DNAH14: variants seen among roughly 807,000 people sequenced by gnomAD.
DNAH14 encodes axonemal beta dynein heavy chain 14.
Under a neutral mutation model 520.9 loss-of-function variants are expected in DNAH14, and 478 were observed. That is an observed-to-expected ratio of 0.92 (90% CI 0.85 to 0.99). DNAH14 has a LOEUF of 0.99. DNAH14 is among the 50% of genes least tolerant of loss of function. The pLI is 0.00. For synonymous variants in DNAH14, 1,581 were observed against 1,757.2 expected, an observed-to-expected ratio of 0.90 and a Z score of 2.51; for missense variants, 4,831 against 5,234.5, an observed-to-expected ratio of 0.92 and a Z score of 2.38.
At chr1:225,312,269 A>G (rs1558346810) in intron 60 of DNAH14, among the ~76,000 whole-genome samples, 1 of 152,090 alleles carries the variant, frequency 6.6e-6, no homozygotes, top group Non-Finnish European at 1.5e-5. Flanking sequence ...GTATATATGA[A>G]TGCTTGTGAT....
intron 8 of DNAH14, among the ~76,000 whole-genome samples, chr1:225,000,566 CT>C (rs199640733): frequency 0.076 from 10,080 of 133,214 alleles, 440 homozygotes; most frequent in East Asian, 0.28. Context: ...AAGGTTTGTT[CT>C]TTTTTTTTTT....
intron 41 of DNAH14, among the ~76,000 whole-genome samples, chr1:225,221,610 A>G (rs991887029): frequency 3.3e-5 from 5 of 152,240 alleles, no homozygotes; most frequent in African/African-American, 9.6e-5. Flanking sequence ...ATACCATCTC[A>G]TGCCAGTTAG....
rs2067611184 is a variant in DNAH14, at chr1:225,042,974, G to A, written c.1628G>A (p.Cys543Tyr). 6.4e-7 allele frequency: 1 copy of A among 1,551,966 alleles called. No homozygotes were observed. The highest frequency in any genetic ancestry group is 1.4e-5 in the African/African-American group (1 of 73,158). Residue 543 changes from cysteine to tyrosine, a missense_variant, in exon 13 of 86, where the codon TGC (cysteine) becomes TAC (tyrosine). Coordinates refer to ENST00000682510, the MANE Select transcript of DNAH14 (RefSeq NM_001367479.1). ...GAGAACTTTCATGAGTCTGACCAGT[G>A]CCCTGAAGAGTGTGTGATGTTTGAA... ...SKENFHESDQ[C>Y]PEECVMFEDE...
At chr1:225,105,901 C>T (rs1462856680) in intron 23 of DNAH14, among the ~76,000 whole-genome samples, 3 of 150,920 alleles carry the variant, frequency 2.0e-5, no homozygotes, top group Non-Finnish European at 2.9e-5. Context: ...AGGTTAATAT[C>T]GTTATGTGTG....
chr1:225,332,173 G>C (rs2094812102), intron 65 of DNAH14, among the ~76,000 whole-genome samples: 1 of 152,048 alleles, frequency 6.6e-6, no homozygotes, highest in Non-Finnish European at 1.5e-5. Context: ...TCTCAGTTTA[G>C]TTACACCTCA....
intron 48 of DNAH14, 106 bp from the exon 49 acceptor site, chr1:225,266,535 G>C: frequency 1.2e-6 from 1 of 804,474 alleles, no homozygotes. Flanking sequence ...TTACTCCATA[G>C]CATAATATTC....
At chr1:225,066,869 A>T (rs2070952357) in intron 17 of DNAH14, among the ~76,000 whole-genome samples, 1 of 152,102 alleles carries the variant, frequency 6.6e-6, no homozygotes, top group South Asian at 2.1e-4. Flanking sequence ...TGGTGTGTGT[A>T]TACCACATTT....
intron 19 of DNAH14, 72 bp from the exon 20 acceptor site, chr1:225,082,477 A>G (rs2073252284): frequency 8.4e-7 from 1 of 1,195,786 alleles, no homozygotes. Flanking sequence ...AAAAAATCTT[A>G]TTTTCTCAAT....
At chr1:225,073,883 AT>A (rs2071872042) in intron 17 of DNAH14, among the ~76,000 whole-genome samples, 1 of 148,842 alleles carries the variant, frequency 6.7e-6, no homozygotes. Context: ...GGCTTTCACC[AT>A]GTTGGCCAAA....
intron 11 of DNAH14, among the ~76,000 whole-genome samples, chr1:225,032,943 ATTTG>A (rs1476245519): frequency 4.2e-5 from 2 of 47,968 alleles, no homozygotes. Flanking sequence ...TTTCTTGTAA[ATTTG>A]TTTAAGTTCC....
intron 21 of DNAH14, among the ~76,000 whole-genome samples, chr1:225,093,191 T>C (rs2074561895): frequency 6.6e-6 from 1 of 151,952 alleles, no homozygotes; most frequent in African/African-American, 2.4e-5. Context: ...CAGAACACAA[T>C]GAAGAAAAAC....
chr1:225,345,598 A>T (rs540529449), intron 69 of DNAH14, among the ~76,000 whole-genome samples: 2 of 152,328 alleles, frequency 1.3e-5, no homozygotes, highest in African/African-American at 4.8e-5. Flanking sequence ...ATAATGGCAC[A>T]CTTGTTATTT....
intron 58 of DNAH14, among the ~76,000 whole-genome samples, chr1:225,306,706 AC>A (rs2094250407): frequency 6.6e-6 from 1 of 151,978 alleles, no homozygotes; most frequent in Non-Finnish European, 1.5e-5. Flanking sequence ...TTCCTTACAT[AC>A]CTTGTACTAT....
In DNAH14 at chr1:225,299,853, G is replaced by T. The variant is rs150250730; in HGVS notation, c.8470-1016G>T. Among the ~76,000 whole-genome samples, 677 of 152,250 alleles carry T rather than the reference G, an allele frequency of 4.4e-3. 2 individuals are homozygous for T. Among genetic ancestry groups the T allele is most frequent in the Non-Finnish European group, 6.8e-3 (463 of 68,010 alleles). On this transcript the variant is annotated intron_variant, in intron 55 of 85. Transcript: ENST00000682510. The stretch of plus-strand genomic sequence containing the variant: ...ATGAGGTGAGACAGGAAATACGTTA[G>T]CCCTGTGTCACCTCTGTTGGCCTCT...
At chr1:225,102,955 G>T (rs1170714611) in intron 23 of DNAH14, among the ~76,000 whole-genome samples, 2 of 152,166 alleles carry the variant, frequency 1.3e-5, no homozygotes, top group East Asian at 3.8e-4. Flanking sequence ...TAGACATGAA[G>T]TCCTTGGCCA....
chr1:224,950,757 C>G (rs560349162), intron 1 of DNAH14, among the ~76,000 whole-genome samples: 1 of 152,300 alleles, frequency 6.6e-6, no homozygotes, highest in South Asian at 2.1e-4. Flanking sequence ...ATGGTTTTTA[C>G]ACATGAAAAT....
rs2084554870 is a variant in DNAH14, at chr1:225,185,288, T to G, written c.5536-3T>G. 2.6e-6 allele frequency: 4 copies of G among 1,537,032 alleles called. No individual in the cohort carries two copies. The highest frequency in any genetic ancestry group is 3.5e-6 in the Non-Finnish European group (4 of 1,142,792). On this transcript the variant is annotated splice_region_variant and splice_polypyrimidine_tract_variant and intron_variant, in intron 36 of 85. Transcript: ENST00000682510. Reference sequence around the variant, plus strand: ...ATGAATAAATCTGTAAATTTTGTTTTAGGTTTGTGTTGGTGTGATGTTAGT... The same window carrying G: ...ATGAATAAATCTGTAAATTTTGTTTGAGGTTTGTGTTGGTGTGATGTTAGT...
intron 21 of DNAH14, among the ~76,000 whole-genome samples, chr1:225,087,792 A>G (rs921126066): frequency 6.6e-6 from 1 of 152,234 alleles, no homozygotes; most frequent in Non-Finnish European, 1.5e-5. Context: ...GCAGGCCCCT[A>G]CACAAGCATT....
intron 82 of DNAH14, among the ~76,000 whole-genome samples, chr1:225,388,781 AT>A (rs558034315): frequency 1.6e-3 from 240 of 147,862 alleles, no homozygotes; most frequent in African/African-American, 4.1e-3. Context: ...GTTACATGTA[AT>A]TTTTTTTTTT....
Sources: allele counts gnomAD v4.1 joint callset (sites outside exome capture counted in the v4.1 genomes callset), GRCh38; gene constraint gnomAD v4.1.1; transcripts MANE v1.5; gene names NCBI Gene and HGNC (gene_info 2026-07-23, HGNC 2026-07-21).